The following CTNNA2 variants were observed in gnomAD, a reference collection of about 807,000 sequenced individuals.
CTNNA2 encodes the protein catenin alpha-2.
In CTNNA2, 42 loss-of-function variants were observed where a neutral mutation model predicts 101.0. The ratio of observed to expected loss-of-function variants is 0.42; its 90% confidence interval spans 0.32 to 0.54. CTNNA2 has a LOEUF of 0.54. Among genes scored for constraint, CTNNA2 ranks in the 20% least tolerant of loss-of-function variants. The pLI is 0.14. For missense variants in CTNNA2, 871 were observed against 1,223.1 expected (o/e 0.71, Z 4.29); for synonymous variants, 450 against 456.4 (o/e 0.99, Z 0.18).
intron 18 of CTNNA2, among the ~76,000 whole-genome samples, chr2:80,629,608 C>A (rs1337128394): frequency 6.6e-6 from 1 of 152,194 alleles, no homozygotes; most frequent in Non-Finnish European, 1.5e-5. Flanking sequence ...AGTTTAATCC[C>A]TTTCCTAGTC....
At chr2:80,202,064 A>T (rs967353289) in intron 7 of CTNNA2, among the ~76,000 whole-genome samples, 5 of 152,100 alleles carry the variant, frequency 3.3e-5, no homozygotes. Context: ...TACTAGCTTC[A>T]ACTGATGCTG....
At chr2:80,324,511 T>G (rs1220983886) in intron 7 of CTNNA2, among the ~76,000 whole-genome samples, 2 of 152,182 alleles carry the variant, frequency 1.3e-5, no homozygotes, top group African/African-American at 4.8e-5. Context: ...AGCAGCTATT[T>G]ATTAAAAAGC....
chr2:79,297,362 C>T (rs1676004837), intron 2 of CTNNA2, among the ~76,000 whole-genome samples: 1 of 152,148 alleles, frequency 6.6e-6, no homozygotes. Flanking sequence ...AGTGTCTGAC[C>T]ATCTGGCCAA....
At chr2:80,570,519 A>G (rs1196939144) in intron 12 of CTNNA2, among the ~76,000 whole-genome samples, 1 of 152,230 alleles carries the variant, frequency 6.6e-6, no homozygotes, top group Non-Finnish European at 1.5e-5. Context: ...GGTCAGACCC[A>G]GAAAAACACT....
chr2:79,494,069 AT>A (rs1223036619), intron 4 of CTNNA2, among the ~76,000 whole-genome samples: 3 of 152,156 alleles, frequency 2.0e-5, no homozygotes, highest in African/African-American at 7.2e-5. Flanking sequence ...AAAAAAACTG[AT>A]TTATAATATA....
intron 7 of CTNNA2, among the ~76,000 whole-genome samples, chr2:79,955,282 T>C (rs1689145300): frequency 6.6e-6 from 1 of 152,186 alleles, no homozygotes; most frequent in Non-Finnish European, 1.5e-5. Context: ...TGTGGTTTAA[T>C]AGATTAAATT....
intron 9 of CTNNA2, among the ~76,000 whole-genome samples, chr2:80,443,668 G>A (rs11901259): frequency 0.02 from 2,996 of 152,272 alleles, 108 homozygotes; most frequent in African/African-American, 0.068. Flanking sequence ...AACCTTGAGA[G>A]AATCCTATAC....
chr2:80,285,944 T>C (rs1250249145), intron 7 of CTNNA2, among the ~76,000 whole-genome samples: 1 of 152,186 alleles, frequency 6.6e-6, no homozygotes, highest in African/African-American at 2.4e-5. Context: ...CTAATCCACT[T>C]GATGCTTCCT....
intron 9 of CTNNA2, among the ~76,000 whole-genome samples, chr2:80,484,759 C>A (rs562548533): frequency 1.8e-4 from 28 of 152,182 alleles, no homozygotes; most frequent in Non-Finnish European, 3.7e-4. Context: ...GTAATCCCAG[C>A]ACTTTGGGAG....
intron 9 of CTNNA2, among the ~76,000 whole-genome samples, chr2:80,454,039 A>G (rs1241471605): frequency 6.6e-6 from 1 of 152,216 alleles, no homozygotes; most frequent in Non-Finnish European, 1.5e-5. Context: ...AAAAAAGAAA[A>G]GAATAAAAGA....
chr2:80,332,339 G>T (rs1212553576), intron 7 of CTNNA2, among the ~76,000 whole-genome samples: 4 of 152,138 alleles, frequency 2.6e-5, no homozygotes, highest in African/African-American at 9.7e-5. Context: ...GGATCTTTGG[G>T]TTGTCTGTTT....
At chr2:79,267,821 C>G (rs1278736383) in intron 2 of CTNNA2, among the ~76,000 whole-genome samples, 1 of 152,074 alleles carries the variant, frequency 6.6e-6, no homozygotes, top group African/African-American at 2.4e-5. Context: ...TGGAAAAGCC[C>G]CTGGAGATAA....
chr2:79,576,918 T>G (rs983992746), intron 1 of CTNNA2, among the ~76,000 whole-genome samples: 1 of 152,304 alleles, frequency 6.6e-6, no homozygotes, highest in African/African-American at 2.4e-5. Flanking sequence ...ACATCCAGTT[T>G]AACATAAACA....
chr2:79,230,356 G>A (rs1335917409), intron 2 of CTNNA2, among the ~76,000 whole-genome samples: 2 of 152,208 alleles, frequency 1.3e-5, no homozygotes, highest in Non-Finnish European at 2.9e-5. Context: ...AAAGGGCCAA[G>A]GTACAGCTTG....
chr2:80,284,734 A>T, intron 7 of CTNNA2, among the ~76,000 whole-genome samples: 1 of 151,870 alleles, frequency 6.6e-6, no homozygotes, highest in East Asian at 1.9e-4. Context: ...TTGGATATTC[A>T]TTTGCCTCAT....
chr2:80,482,410 T>A (rs571104657), intron 9 of CTNNA2, among the ~76,000 whole-genome samples: 1 of 152,306 alleles, frequency 6.6e-6, no homozygotes, highest in African/African-American at 2.4e-5. Flanking sequence ...GCTAGCTTTC[T>A]GGAAAGGGCC....
chr2:79,259,404 C>G (rs1383198567), intron 2 of CTNNA2, among the ~76,000 whole-genome samples: 1 of 152,092 alleles, frequency 6.6e-6, no homozygotes, highest in African/African-American at 2.4e-5. Context: ...GATCCCACCT[C>G]AAGTATGAAT....
chr2:79,547,435 G>A (rs918475417), intron 1 of CTNNA2: 1 of 152,472 alleles, frequency 6.6e-6, no homozygotes, highest in Admixed American at 6.5e-5. Context: ...ACACAATAAG[G>A]TCAGAGCTCT....
chr2:79,634,965 C>G (rs1017149860), intron 1 of CTNNA2, among the ~76,000 whole-genome samples: 2 of 151,972 alleles, frequency 1.3e-5, no homozygotes, highest in Admixed American at 1.3e-4. Context: ...AGAGGCTATT[C>G]GATGGGACAG....
Sources: allele counts gnomAD v4.1 joint callset (sites outside exome capture counted in the v4.1 genomes callset), GRCh38; gene constraint gnomAD v4.1.1; transcripts MANE v1.5; gene names NCBI Gene and HGNC (gene_info 2026-07-23, HGNC 2026-07-21).